ERICH1: variants seen among roughly 807,000 people sequenced by gnomAD.
ERICH1 encodes the protein glutamate-rich protein 1.
A neutral mutation model predicts 39.6 loss-of-function variants in ERICH1; 56 were observed. The ratio of observed to expected loss-of-function variants is 1.41; its 90% confidence interval spans 1.14 to 1.77. The LOEUF (loss-of-function observed/expected upper bound fraction) is 1.77. ERICH1 is among the 40% of genes most tolerant of loss of function. The pLI is 0.00. For synonymous variants in ERICH1, 313 were observed against 223.6 expected, an observed-to-expected ratio of 1.40 and a Z score of -3.57; for missense variants, 826 against 575.4, an observed-to-expected ratio of 1.44 and a Z score of -4.45.
chr8:619,295 C>T (rs1276744792), intron 3 of ERICH1, among the ~76,000 whole-genome samples: 1 of 152,142 alleles, frequency 6.6e-6, no homozygotes, highest in African/African-American at 2.4e-5. Flanking sequence ...ACCCACCGCG[C>T]ACGAGGGGGG....
intron 5 of ERICH1, chr8:667,393 A>C (rs1802424479): frequency 6.5e-6 from 1 of 153,232 alleles, no homozygotes; most frequent in Non-Finnish European, 1.5e-5. Context: ...GCGCATGCGC[A>C]CTTGGCTGCA....
chr8:673,703 C>A lies in ERICH1; in HGVS notation c.649G>T (p.Asp217Tyr). 1.2e-6 allele frequency: 2 copies of A among 1,614,178 alleles called. No individual in the cohort carries two copies. The highest frequency in any genetic ancestry group is 8.5e-7 in the Non-Finnish European group (1 of 1,179,988). ...EEDGVDTSEEDPTLAGEEDVK... is the reference protein window; with the variant it reads ...EEDGVDTSEEYPTLAGEEDVK... ...TCTTCCTCCCCGGCCAGTGTCGGGT[C>A]TTCCTCGCTGGTGTCCACACCATCC... Residue 217 changes from aspartate (D) to tyrosine (Y), a missense_variant, in exon 4 of 6, where the codon GAC becomes TAC. Physicochemically the swap from Asp to Tyr is radical, Grantham distance 160. Coordinates refer to ENST00000262109, the MANE Select transcript of ERICH1 (RefSeq NM_207332.3).
At chr8:655,658 G>A (rs1800549260) in intron 3 of ERICH1, among the ~76,000 whole-genome samples, 2 of 113,034 alleles carry the variant, frequency 1.8e-5, no homozygotes, top group African/African-American at 6.6e-5. Context: ...TCTGTCCTCT[G>A]CATTCCTTCC....
intron 3 of ERICH1, among the ~76,000 whole-genome samples, chr8:656,382 T>C (rs1403003410): frequency 6.6e-6 from 1 of 152,182 alleles, no homozygotes; most frequent in East Asian, 1.9e-4. Context: ...AACATCCGGA[T>C]CGTCCTTGTT....
chr8:685,380 A>G (rs1011510065), intron 3 of ERICH1, among the ~76,000 whole-genome samples: 3 of 152,220 alleles, frequency 2.0e-5, no homozygotes, highest in African/African-American at 4.8e-5. Context: ...CCCAGATTTC[A>G]TATTGTTCAA....
At chr8:682,346 G>A (rs1806322496) in intron 3 of ERICH1, among the ~76,000 whole-genome samples, 2 of 152,180 alleles carry the variant, frequency 1.3e-5, no homozygotes, top group South Asian at 4.1e-4. Flanking sequence ...AGGTCAAGGG[G>A]AAAACAACAG....
chr8:662,230 A>G (rs1459449744), downstream of ERICH1, among the ~76,000 whole-genome samples: 1 of 152,294 alleles, frequency 6.6e-6, no homozygotes, highest in Non-Finnish European at 1.5e-5. Flanking sequence ...ATTCACTTGC[A>G]GGGGATGGAG....
At chr8:692,868 T>C (rs732196) in intron 2 of ERICH1, among the ~76,000 whole-genome samples, 1 of 152,226 alleles carries the variant, frequency 6.6e-6, no homozygotes, top group Non-Finnish European at 1.5e-5. Flanking sequence ...AATTACTTAT[T>C]ATGCAAACTT....
chr8:719,086 CCCAGGCCCTGGGG>C (rs1361657888), intron 1 of ERICH1, among the ~76,000 whole-genome samples: 1 of 152,192 alleles, frequency 6.6e-6, no homozygotes, highest in Non-Finnish European at 1.5e-5. Flanking sequence ...CCACCGGGAG[CCCAGGCCCTGGGG>C]CCACTGCCTG....
At position 692,465 on chromosome 8, in the gene ERICH1, C is replaced by A; in HGVS notation, c.304+13G>T. 6.2e-7 allele frequency: 1 copy of A among 1,614,006 alleles called. No homozygotes were observed. The highest frequency in any genetic ancestry group is 1.1e-5 in the South Asian group (1 of 91,078). ...GCAAAGATGTCTACCTTTCCTCCCA[C>A]CCAGCATTTTACCTTCTGTGTCATC... On this transcript the variant is annotated intron_variant, in intron 3 of 5. Transcript: ENST00000262109.
At chr8:650,056 G>C (rs1268144214) in intron 3 of ERICH1, among the ~76,000 whole-genome samples, 1 of 152,228 alleles carries the variant, frequency 6.6e-6, no homozygotes, top group Non-Finnish European at 1.5e-5. Flanking sequence ...TGCGTGTCCT[G>C]CTCTCGGCTT....
At chr8:622,540 C>A (rs1387928340) in intron 3 of ERICH1, among the ~76,000 whole-genome samples, 27 of 152,200 alleles carry the variant, frequency 1.8e-4, no homozygotes, top group Admixed American at 1.6e-3. Context: ...GCCTCCAGAA[C>A]TGTGACCAAT....
chr8:717,875 C>T (rs544372009), intron 1 of ERICH1, among the ~76,000 whole-genome samples: 1 of 152,344 alleles, frequency 6.6e-6, no homozygotes, highest in African/African-American at 2.4e-5. Context: ...AAGACAGTCC[C>T]AGGGACGGGG....
At chr8:670,488 G>C (rs1189846345) in intron 4 of ERICH1, among the ~76,000 whole-genome samples, 2 of 152,114 alleles carry the variant, frequency 1.3e-5, no homozygotes, top group African/African-American at 4.8e-5. Flanking sequence ...GAGTAGAGGG[G>C]GATCCCCTGG....
chr8:623,895 G>C (rs968887057), intron 3 of ERICH1, among the ~76,000 whole-genome samples: 1 of 152,144 alleles, frequency 6.6e-6, no homozygotes, highest in Non-Finnish European at 1.5e-5. Flanking sequence ...GAAAAAAGTA[G>C]ATAAATTGGC....
intron 3 of ERICH1, among the ~76,000 whole-genome samples, chr8:688,681 C>A (rs934053889): frequency 6.6e-6 from 1 of 152,184 alleles, no homozygotes; most frequent in Non-Finnish European, 1.5e-5. Context: ...ATGAGTTAAG[C>A]AGCAGAGAAG....
chr8:693,064 C>G lies in ERICH1; in HGVS notation c.170-452G>C, dbSNP rs546110757. ...CATGTGTACACTGTGGCTGTGTGCA[C>G]ACACAGCCACACACACAACAGACAC... On this transcript the variant is annotated intron_variant, in intron 2 of 5. Transcript: ENST00000262109. Among the ~76,000 whole-genome samples the G allele has an allele frequency of 2.0e-4, 31 of 152,148 alleles. 1 individual carries two copies. In the Middle Eastern group the frequency reaches 0.01, roughly 50 times the overall value.
chr8:703,373 T>C (rs565614858), intron 2 of ERICH1, among the ~76,000 whole-genome samples: 1 of 151,896 alleles, frequency 6.6e-6, no homozygotes, highest in Non-Finnish European at 1.5e-5. Context: ...AAGTGAAAAG[T>C]AGACGGGATG....
intron 3 of ERICH1, among the ~76,000 whole-genome samples, chr8:638,105 T>C (rs1798588623): frequency 6.6e-6 from 1 of 152,256 alleles, no homozygotes; most frequent in Non-Finnish European, 1.5e-5. Context: ...GCAGTCAGGC[T>C]GCGGGAGCAC....
Sources: allele counts gnomAD v4.1 joint callset (sites outside exome capture counted in the v4.1 genomes callset), GRCh38; gene constraint gnomAD v4.1.1; transcripts MANE v1.5; gene names NCBI Gene and HGNC (gene_info 2026-07-23, HGNC 2026-07-21).